The following RNF217 variants were observed in gnomAD, a reference collection of about 807,000 sequenced individuals.
RNF217 encodes the protein E3 ubiquitin-protein ligase RNF217.
Under a neutral mutation model 57.8 loss-of-function variants are expected in RNF217, and 31 were observed. The ratio of observed to expected loss-of-function variants is 0.54; its 90% CI spans 0.40 to 0.72. The LOEUF is 0.72. Among genes scored for constraint, RNF217 ranks in the 30% least tolerant of loss-of-function variants. The probability of loss-of-function intolerance (pLI) is 0.00; values close to 1 mark genes in which losing one functional copy is unlikely to be tolerated. For synonymous variants in RNF217, 313 were observed against 294.0 expected (o/e 1.06, Z -0.66); for missense variants, 696 against 708.3 (o/e 0.98, Z 0.20).
At chr6:125,053,916 G>A (rs1484356674) in intron 2 of RNF217, among the ~76,000 whole-genome samples, 1 of 152,078 alleles carries the variant, frequency 6.6e-6, no homozygotes, top group Non-Finnish European at 1.5e-5. Context: ...AGTTCATTAG[G>A]ACAATGTATT....
At position 125,026,901 on chromosome 6, in the gene RNF217, A is replaced by C. The variant is rs370724799; in HGVS notation, c.883-18310A>C. 1.4e-4 allele frequency among the ~76,000 whole-genome samples: 22 copies of C among 152,196 alleles called. No individual in the cohort carries two copies. The South Asian group carries it at 4.6e-3, about 32-fold the overall frequency. On this transcript the variant is annotated intron_variant, in intron 1 of 5. Transcript: ENST00000521654. ...GTATTATTTTCACATGCAAAGAGTAATTGTGTTTTGGATACAGTAAATATT... is the reference window on the plus strand; with the variant it reads ...GTATTATTTTCACATGCAAAGAGTACTTGTGTTTTGGATACAGTAAATATT...
At chr6:125,004,491 T>G (rs1390961612) in intron 1 of RNF217, among the ~76,000 whole-genome samples, 1 of 152,184 alleles carries the variant, frequency 6.6e-6, no homozygotes, top group Non-Finnish European at 1.5e-5. Context: ...ATCCTAGCCC[T>G]GGGGAGAATA....
intron 1 of RNF217, among the ~76,000 whole-genome samples, chr6:125,023,285 T>C (rs1047226742): frequency 6.6e-6 from 1 of 152,160 alleles, no homozygotes; most frequent in African/African-American, 2.4e-5. Flanking sequence ...TCAAATATGA[T>C]TGAGGCATAG....
intron 1 of RNF217, among the ~76,000 whole-genome samples, chr6:125,030,250 G>A (rs1786295368): frequency 6.6e-6 from 1 of 152,024 alleles, no homozygotes; most frequent in South Asian, 2.1e-4. Context: ...ATTTCAGTGG[G>A]GGCACAGCCA....
intron 1 of RNF217, among the ~76,000 whole-genome samples, chr6:124,968,332 T>A (rs1156864866): frequency 1.3e-5 from 2 of 152,080 alleles, no homozygotes; most frequent in Non-Finnish European, 2.9e-5. Context: ...GTGCAAAATG[T>A]ATGTGTGTGT....
At chr6:125,036,773 G>A (rs2475843) in intron 1 of RNF217, among the ~76,000 whole-genome samples, 9,866 of 151,768 alleles carry the variant, frequency 0.065, 616 homozygotes, top group African/African-American at 0.16. Context: ...GCTCATCATC[G>A]CTGGTCATTA....
chr6:125,042,891 A>C (rs541930453), intron 1 of RNF217, among the ~76,000 whole-genome samples: 1 of 152,234 alleles, frequency 6.6e-6, no homozygotes, highest in South Asian at 2.1e-4. Flanking sequence ...CCTCAGAGTA[A>C]AAAATTCAGG....
At chr6:125,014,069 G>A (rs576792197) in intron 1 of RNF217, among the ~76,000 whole-genome samples, 1 of 152,186 alleles carries the variant, frequency 6.6e-6, no homozygotes, top group East Asian at 1.9e-4. Context: ...TTTCATTCAG[G>A]GCTAGTGTGT....
At chr6:125,048,353 G>A in intron 2 of RNF217, 1 of 1,047,196 alleles carries the variant, frequency 9.5e-7, no homozygotes, top group Admixed American at 2.3e-5. Flanking sequence ...GTAACTTTAA[G>A]AGGAGTGAAT....
rs555426454 is a variant in RNF217, at chr6:124,976,276, G to T, written c.882+12850G>T. On this transcript the variant is annotated intron_variant, in intron 1 of 5. Transcript: ENST00000521654. Reference sequence around the variant, plus strand: ...CTCCCTCCCTCCCTCCCTCCCTCCCGCTCTCTCTCCTTTCCTCCCTTCCTC... The same window carrying T: ...CTCCCTCCCTCCCTCCCTCCCTCCCTCTCTCTCTCCTTTCCTCCCTTCCTC... Among the ~76,000 whole-genome samples, 285 of 51,286 alleles carry T rather than the reference G, an allele frequency of 5.6e-3. 2 individuals carry two copies. Among genetic ancestry groups the T allele is most frequent in the African/African-American group, 0.022 (258 of 11,766 alleles). The allele number at this position is 51,286 out of a possible 152,430, so 33.6% of individuals were successfully genotyped here.
In RNF217 at chr6:124,987,395, C is replaced by T. The variant is rs1335100431; in HGVS notation, c.882+23969C>T. On this transcript the variant is annotated intron_variant, in intron 1 of 5. Coordinates refer to ENST00000521654, the MANE Select transcript of RNF217 (RefSeq NM_001286398.3). ...ATTCCCTGCCCTCACCCCAGGCCTC[C>T]TATCCCCATCCTAAGAAACCATGAA... Among the ~76,000 whole-genome samples the T allele has an allele frequency of 2.6e-5, 4 of 152,258 alleles. No individual in the cohort carries two copies. The East Asian group carries it at 5.8e-4, about 22-fold the overall frequency.
chr6:125,052,926 A>C (rs142432271), intron 2 of RNF217, among the ~76,000 whole-genome samples: 2,215 of 152,158 alleles, frequency 0.015, 27 homozygotes, highest in Non-Finnish European at 0.02. Context: ...GATTATAGGA[A>C]CTTACTGGCT....
At chr6:125,071,252 A>G (rs189624234) in intron 3 of RNF217, among the ~76,000 whole-genome samples, 1 of 152,300 alleles carries the variant, frequency 6.6e-6, no homozygotes, top group East Asian at 1.9e-4. Flanking sequence ...TAGAAACCAT[A>G]TTTCAAATTT....
At chr6:125,038,839 A>G (rs1786757745) in intron 1 of RNF217, among the ~76,000 whole-genome samples, 1 of 151,884 alleles carries the variant, frequency 6.6e-6, no homozygotes, top group African/African-American at 2.4e-5. Flanking sequence ...TTCTAATTTA[A>G]TTTTTAAGTT....
intron 1 of RNF217, among the ~76,000 whole-genome samples, chr6:124,984,827 C>T (rs779108120): frequency 1.2e-4 from 18 of 152,056 alleles, no homozygotes; most frequent in Non-Finnish European, 1.9e-4. Context: ...GCTTTATTCC[C>T]TCTAAGCAAA....
intron 1 of RNF217, among the ~76,000 whole-genome samples, chr6:124,998,665 G>A (rs529550151): frequency 1.3e-5 from 2 of 152,230 alleles, no homozygotes; most frequent in South Asian, 4.1e-4. Flanking sequence ...GTGAAGCATG[G>A]TGGCGTGCAC....
Position 125,089,805 on chromosome 6 carries a change from G to C in RNF217, c.*6868G>C, listed in dbSNP as rs1305556659. 6.6e-6 allele frequency: 1 copy of C among 151,976 alleles called. No homozygotes were observed. The highest frequency in any genetic ancestry group is 6.6e-5 in the Admixed American group (1 of 15,244). The allele number at this position is 151,976 out of a possible 1,614,324, so 9.4% of individuals were successfully genotyped here. ...TGCCCCAGCTTGGGAAATATTCTTA[G>C]TAATCCAATCAAATCCTTAAAAACA... is the stretch of plus-strand genomic sequence containing the variant. On this transcript the variant is annotated 3_prime_UTR_variant, in exon 6 of 6. Coordinates refer to ENST00000521654, the MANE Select transcript of RNF217 (RefSeq NM_001286398.3).
intron 1 of RNF217, among the ~76,000 whole-genome samples, chr6:125,004,170 G>A (rs1785087443): frequency 6.6e-6 from 1 of 152,042 alleles, no homozygotes; most frequent in Non-Finnish European, 1.5e-5. Context: ...TTATATTAAA[G>A]AAAACAGGGC....
intron 1 of RNF217, among the ~76,000 whole-genome samples, chr6:125,033,061 G>A (rs567815001): frequency 6.6e-6 from 1 of 151,734 alleles, no homozygotes; most frequent in African/African-American, 2.4e-5. Flanking sequence ...TTTGGACATT[G>A]TCTTTTGTGA....
Sources: allele counts gnomAD v4.1 joint callset (sites outside exome capture counted in the v4.1 genomes callset), GRCh38; gene constraint gnomAD v4.1.1; transcripts MANE v1.5; gene names NCBI Gene and HGNC (gene_info 2026-07-23, HGNC 2026-07-21).